RFX3: variants seen among roughly 807,000 people sequenced by gnomAD.
RFX3 encodes the protein transcription factor RFX3.
In RFX3, 14 loss-of-function variants were observed where a neutral mutation model predicts 98.6. The observed-to-expected ratio is 0.14, with a 90% CI of 0.09 to 0.22. The LOEUF is 0.22. Among genes scored for constraint, RFX3 ranks in the 10% least tolerant of loss-of-function variants. RFX3 has a pLI of 1.00. For synonymous variants in RFX3, 383 were observed against 328.4 expected, an observed-to-expected ratio of 1.17 and a Z score of -1.80; for missense variants, 639 against 926.9, an observed-to-expected ratio of 0.69 and a Z score of 4.03.
intron 1 of RFX3, among the ~76,000 whole-genome samples, chr9:3,485,217 C>T (rs76849250): frequency 0.011 from 1,745 of 152,260 alleles, 25 homozygotes; most frequent in African/African-American, 0.031. Flanking sequence ...TGCCCCTATA[C>T]CACCTCCCTG....
chr9:3,225,297 T>C lies in RFX3; in HGVS notation c.2012-17A>G. ...TGCCTTCATCTGCACAAACAAATAA[T>C]ACCAAGACTATCATCGAAGACAAAT... On this transcript the variant is annotated splice_polypyrimidine_tract_variant and intron_variant, in intron 16 of 16. Transcript: ENST00000617270. 1 of 1,610,936 alleles carries C rather than the reference T, an allele frequency of 6.2e-7. No individual in the cohort carries two copies. Among genetic ancestry groups the C allele is most frequent in the Non-Finnish European group, 8.5e-7 (1 of 1,178,928 alleles).
intron 1 of RFX3, among the ~76,000 whole-genome samples, chr9:3,422,017 C>A (rs2132359278): frequency 6.8e-6 from 1 of 146,072 alleles, no homozygotes; most frequent in East Asian, 2.0e-4. Context: ...AAAAAAAAAT[C>A]TAAGGAGGCA....
At chr9:3,230,884 G>T (rs1483288252) in intron 15 of RFX3, among the ~76,000 whole-genome samples, 1 of 152,156 alleles carries the variant, frequency 6.6e-6, no homozygotes, top group African/African-American at 2.4e-5. Context: ...CCAAACTCTG[G>T]ACATATTTGA....
intron 4 of RFX3, among the ~76,000 whole-genome samples, chr9:3,306,551 T>C (rs575141883): frequency 1.2e-4 from 17 of 136,614 alleles, no homozygotes; most frequent in African/African-American, 4.4e-4. Flanking sequence ...TAGTAGAAAA[T>C]TGACAAATAT....
intron 2 of RFX3, among the ~76,000 whole-genome samples, chr9:3,391,182 C>T (rs934159653): frequency 6.6e-6 from 1 of 152,016 alleles, no homozygotes; most frequent in African/African-American, 2.4e-5. Context: ...AAGATAATAG[C>T]AGCACATTAA....
chr9:3,508,011 T>G (rs886363597), intron 1 of RFX3, among the ~76,000 whole-genome samples: 1 of 151,730 alleles, frequency 6.6e-6, no homozygotes, highest in African/African-American at 2.4e-5. Context: ...TGATAACTAA[T>G]AAATATTTCT....
chr9:3,511,098 T>G (rs375029353), intron 1 of RFX3, among the ~76,000 whole-genome samples: 1 of 151,996 alleles, frequency 6.6e-6, no homozygotes, highest in African/African-American at 2.4e-5. Flanking sequence ...ACTGAACCCT[T>G]TGGATCATAA....
chr9:3,475,801 A>G (rs1367476553), intron 1 of RFX3, among the ~76,000 whole-genome samples: 1 of 152,212 alleles, frequency 6.6e-6, no homozygotes, highest in African/African-American at 2.4e-5. Flanking sequence ...GACTGATGTC[A>G]GGCCCTCCAC....
intron 2 of RFX3, among the ~76,000 whole-genome samples, chr9:3,361,054 A>T (rs1206745896): frequency 1.3e-5 from 2 of 152,210 alleles, no homozygotes; most frequent in Non-Finnish European, 2.9e-5. Flanking sequence ...GAAATGTCAA[A>T]AACTGTATTA....
chr9:3,506,945 G>A (rs1178883357), intron 1 of RFX3, among the ~76,000 whole-genome samples: 1 of 151,780 alleles, frequency 6.6e-6, no homozygotes, highest in African/African-American at 2.4e-5. Context: ...TGTAAAATCA[G>A]AACTAGACAA....
intron 7 of RFX3, among the ~76,000 whole-genome samples, chr9:3,283,166 AG>A (rs1266626863): frequency 6.6e-6 from 1 of 151,818 alleles, no homozygotes. Context: ...AGAAACCACT[AG>A]CCTAGAGGTA....
chr9:3,265,188 A>G (rs1296288458), intron 12 of RFX3, among the ~76,000 whole-genome samples: 4 of 152,210 alleles, frequency 2.6e-5, no homozygotes, highest in Non-Finnish European at 5.9e-5. Context: ...AAATGTAGCG[A>G]GTATGACTGA....
intron 4 of RFX3, among the ~76,000 whole-genome samples, chr9:3,303,862 G>C (rs1241061319): frequency 6.6e-6 from 1 of 151,970 alleles, no homozygotes; most frequent in Non-Finnish European, 1.5e-5. Context: ...GAATGCCTTG[G>C]ACCTTCAGAA....
chr9:3,520,678 C>A (rs1403107733), intron 1 of RFX3, among the ~76,000 whole-genome samples: 1 of 152,120 alleles, frequency 6.6e-6, no homozygotes, highest in Non-Finnish European at 1.5e-5. Context: ...GCATTCGTTT[C>A]TGTTTTTGGT....
At position 3,247,935 on chromosome 9, in the gene RFX3, GAAC is replaced by G. The variant is rs1563796889; in HGVS notation, c.1968+94_1968+96del. ...CTGGCTCTGAGGCTGACTTGGTTAG[GAAC>G]CATGGTTTTAATCAATAATGTATTT... On this transcript the variant is annotated intron_variant, in intron 15 of 16. Coordinates refer to ENST00000617270, the MANE Select transcript of RFX3 (RefSeq NM_001282116.2). The G allele has an allele frequency of 1.9e-6, 3 of 1,612,776 alleles. No individual in the cohort carries two copies. The African/African-American group carries it at 4.0e-5, about 22-fold the overall frequency.
chr9:3,460,145 G>T (rs1422014590), intron 1 of RFX3, among the ~76,000 whole-genome samples: 1 of 151,974 alleles, frequency 6.6e-6, no homozygotes, highest in Non-Finnish European at 1.5e-5. Context: ...GCTTAGATAT[G>T]AATACACAAA....
chr9:3,366,077 T>C (rs983505767), intron 2 of RFX3, among the ~76,000 whole-genome samples: 2 of 152,110 alleles, frequency 1.3e-5, no homozygotes, highest in African/African-American at 4.8e-5. Context: ...CACTGTGATG[T>C]AGGCTCGCAG....
chr9:3,466,417 A>G (rs926988417), intron 1 of RFX3, among the ~76,000 whole-genome samples: 7 of 152,186 alleles, frequency 4.6e-5, no homozygotes, highest in African/African-American at 1.4e-4. Context: ...ATGTGATGCA[A>G]TAAAAGCAAT....
At chr9:3,479,040 G>T (rs1849513653) in intron 1 of RFX3, among the ~76,000 whole-genome samples, 1 of 152,082 alleles carries the variant, frequency 6.6e-6, no homozygotes, top group African/African-American at 2.4e-5. Flanking sequence ...CTTCAATGGG[G>T]CTCCAGAAGT....
Sources: allele counts gnomAD v4.1 joint callset (sites outside exome capture counted in the v4.1 genomes callset), GRCh38; gene constraint gnomAD v4.1.1; transcripts MANE v1.5; gene names NCBI Gene and HGNC (gene_info 2026-07-23, HGNC 2026-07-21).